The following EPHA4 variants were observed in gnomAD, a reference collection of about 807,000 sequenced individuals.
EPHA4 encodes the protein ephrin type-A receptor 4.
Under a neutral mutation model 108.3 loss-of-function variants are expected in EPHA4, and 19 were observed. The observed-to-expected ratio is 0.18, with a 90% confidence interval of 0.12 to 0.26. The LOEUF is 0.26. Among genes scored for constraint, EPHA4 ranks in the 10% least tolerant of loss-of-function variants. EPHA4 has a pLI of 1.00. For synonymous variants in EPHA4, 449 were observed against 455.5 expected, an observed-to-expected ratio of 0.99 and a Z score of 0.18; for missense variants, 917 against 1,254.0, an observed-to-expected ratio of 0.73 and a Z score of 4.06.
At chr2:221,461,212 T>C (rs1205733552) in intron 5 of EPHA4, among the ~76,000 whole-genome samples, 1 of 152,156 alleles carries the variant, frequency 6.6e-6, no homozygotes. Context: ...CAATTCAATA[T>C]TACATAATAT....
chr2:221,514,083 T>G (rs1339661840), intron 3 of EPHA4, among the ~76,000 whole-genome samples: 2 of 77,190 alleles, frequency 2.6e-5, no homozygotes, highest in Non-Finnish European at 4.8e-5. Flanking sequence ...TATACTCCTG[T>G]AAGCCGGGGG....
intron 3 of EPHA4, among the ~76,000 whole-genome samples, chr2:221,510,543 T>C (rs1330461040): frequency 6.6e-6 from 1 of 152,200 alleles, no homozygotes; most frequent in Non-Finnish European, 1.5e-5. Flanking sequence ...AAAACTATGC[T>C]GAAAATGGAT....
chr2:221,487,759 C>T (rs967126360), intron 4 of EPHA4, among the ~76,000 whole-genome samples: 11 of 152,140 alleles, frequency 7.2e-5, no homozygotes, highest in African/African-American at 2.7e-4. Flanking sequence ...AACACCCTTC[C>T]TTCACGTTTT....
intron 15 of EPHA4, among the ~76,000 whole-genome samples, chr2:221,428,220 A>G (rs1689969228): frequency 6.6e-6 from 1 of 152,216 alleles, no homozygotes; most frequent in Non-Finnish European, 1.5e-5. Context: ...CAAGGTCAAA[A>G]TGACCTTACA....
intron 3 of EPHA4, among the ~76,000 whole-genome samples, chr2:221,556,712 G>T (rs930770791): frequency 1.3e-5 from 2 of 151,936 alleles, no homozygotes; most frequent in Non-Finnish European, 2.9e-5. Context: ...TTTGCCTACC[G>T]AAGGTACAGT....
intron 9 of EPHA4, among the ~76,000 whole-genome samples, chr2:221,444,676 T>C (rs768941876): frequency 1.3e-5 from 2 of 151,822 alleles, no homozygotes; most frequent in South Asian, 2.1e-4. Context: ...CTCATCACTT[T>C]ATATGCTATA....
chr2:221,454,008 C>G (rs553431301), intron 8 of EPHA4, among the ~76,000 whole-genome samples: 3 of 151,986 alleles, frequency 2.0e-5, no homozygotes, highest in Non-Finnish European at 2.9e-5. Flanking sequence ...GAAACCGTGT[C>G]TCTACTAAAA....
chr2:221,473,552 GA>G lies in EPHA4; in HGVS notation c.1318+8799del, dbSNP rs772366510. 7.7e-3 allele frequency among the ~76,000 whole-genome samples: 844 copies of G among 109,638 alleles called. 4 individuals are homozygous for G. Among genetic ancestry groups the G allele is most frequent in the African/African-American group, 0.018 (526 of 29,114 alleles). The allele number at this position is 109,638 out of a possible 152,430, so 71.9% of individuals were successfully genotyped here. A position where few individuals can be genotyped will look rare whatever the true frequency, so the allele number is the denominator to read the frequency against. ...TTTTGGGTTTTCAAGGTGTTTAAAGGAAAAAAAAAAAAAAAAAAAAAACTAT... is the reference window on the plus strand; with the variant it reads ...TTTTGGGTTTTCAAGGTGTTTAAAGGAAAAAAAAAAAAAAAAAAAAACTAT... On this transcript the variant is annotated intron_variant, in intron 5 of 17. Coordinates refer to ENST00000281821, the MANE Select transcript of EPHA4 (RefSeq NM_004438.5).
intron 4 of EPHA4, among the ~76,000 whole-genome samples, chr2:221,496,527 T>C (rs1045059893): frequency 2.6e-5 from 4 of 152,174 alleles, no homozygotes; most frequent in African/African-American, 7.2e-5. Flanking sequence ...CAGCAAAGTA[T>C]AGTCACTTCC....
chr2:221,421,158 G>A (rs1162073521), intron 17 of EPHA4, among the ~76,000 whole-genome samples: 1 of 152,044 alleles, frequency 6.6e-6, no homozygotes, highest in East Asian at 1.9e-4. Context: ...TTAGCCAGGC[G>A]TGGTGGCGGG....
intron 7 of EPHA4, among the ~76,000 whole-genome samples, 200 bp from the exon 8 acceptor site, chr2:221,455,858 G>T (rs111694631): frequency 7.2e-4 from 109 of 152,136 alleles, no homozygotes; most frequent in African/African-American, 2.6e-3. Flanking sequence ...TAGTTCAAAA[G>T]CCACTTCCTC....
At chr2:221,479,870 C>A (rs902053496) in intron 5 of EPHA4, among the ~76,000 whole-genome samples, 1 of 152,144 alleles carries the variant, frequency 6.6e-6, no homozygotes, top group African/African-American at 2.4e-5. Context: ...AGCTTCCCAG[C>A]ATTACCCTTC....
intron 4 of EPHA4, among the ~76,000 whole-genome samples, chr2:221,493,982 T>C (rs1237849409): frequency 6.6e-6 from 1 of 152,222 alleles, no homozygotes; most frequent in East Asian, 1.9e-4. Flanking sequence ...TTTGTTTGTT[T>C]GGCACATTCG....
At chr2:221,558,288 G>T (rs1349510991) in intron 3 of EPHA4, among the ~76,000 whole-genome samples, 1 of 152,136 alleles carries the variant, frequency 6.6e-6, no homozygotes, top group Non-Finnish European at 1.5e-5. Flanking sequence ...CTGTGTGTGT[G>T]TATGTATGGG....
intron 3 of EPHA4, among the ~76,000 whole-genome samples, chr2:221,543,837 T>C (rs879312021): frequency 4.6e-5 from 7 of 152,204 alleles, no homozygotes; most frequent in Non-Finnish European, 8.8e-5. Context: ...GTGGAAGCTT[T>C]AGGATGCCAT....
chr2:221,568,075 G>A lies in EPHA4; in HGVS notation c.159+643C>T, dbSNP rs2106213401. ...CAAATTTGAGAATAAATGAAGTGAT[G>A]CTTTTTTCAGACCTTATAATCCAGA... On this transcript the variant is annotated intron_variant, in intron 2 of 17. Coordinates refer to ENST00000281821, the MANE Select transcript of EPHA4 (RefSeq NM_004438.5). Among the ~76,000 whole-genome samples, 3 of 152,310 alleles carry A rather than the reference G, an allele frequency of 2.0e-5. No homozygotes were observed. The South Asian group carries it at 6.2e-4, about 32-fold the overall frequency.
At chr2:221,490,319 T>A (rs1213138718) in intron 4 of EPHA4, among the ~76,000 whole-genome samples, 1 of 151,472 alleles carries the variant, frequency 6.6e-6, no homozygotes, top group Admixed American at 6.6e-5. Flanking sequence ...AAGAAGACAG[T>A]TGATAGAAAA....
At chr2:221,431,947 GCAT>G (rs894347378) in intron 14 of EPHA4, among the ~76,000 whole-genome samples, 10 of 152,020 alleles carry the variant, frequency 6.6e-5, no homozygotes, top group African/African-American at 2.4e-4. Flanking sequence ...TTAATTCTAT[GCAT>G]CAAAGTAATT....
intron 5 of EPHA4, among the ~76,000 whole-genome samples, chr2:221,460,862 T>C (rs1245204439): frequency 1.3e-5 from 2 of 152,216 alleles, no homozygotes; most frequent in Non-Finnish European, 2.9e-5. Flanking sequence ...TGCCACACAT[T>C]TGCTGCCACA....
Sources: allele counts gnomAD v4.1 joint callset (sites outside exome capture counted in the v4.1 genomes callset), GRCh38; gene constraint gnomAD v4.1.1; transcripts MANE v1.5; gene names NCBI Gene and HGNC (gene_info 2026-07-23, HGNC 2026-07-21).